Variants in GSN observed in about 807,000 individuals in gnomAD.
The protein encoded by GSN is gelsolin.
GSN carries 56 observed loss-of-function variants against 85.7 expected under a neutral mutation model. The observed-to-expected ratio is 0.65, with a 90% CI of 0.53 to 0.82. GSN has a LOEUF of 0.82. GSN is among the 40% of genes least tolerant of loss of function. GSN has a pLI of 0.00. For missense variants in GSN, 857 were observed against 979.8 expected (o/e 0.87, Z 1.67); for synonymous variants, 373 against 399.1 (o/e 0.93, Z 0.78).
At chr9:121,296,615 C>G (rs560995379) in intron 2 of GSN, among the ~76,000 whole-genome samples, 41 of 152,114 alleles carry the variant, frequency 2.7e-4, no homozygotes, top group Non-Finnish European at 4.3e-4. Flanking sequence ...AGTGACTTGC[C>G]CAAGGTCACC....
intron 6 of GSN, among the ~76,000 whole-genome samples, chr9:121,259,651 G>A (rs2055039336): frequency 1.3e-5 from 2 of 152,104 alleles, no homozygotes; most frequent in South Asian, 4.1e-4. Context: ...ATCATGTGTG[G>A]CCACCAACGC....
chr9:121,269,273 C>T (rs1259590653), intron 1 of GSN, among the ~76,000 whole-genome samples: 1 of 152,204 alleles, frequency 6.6e-6, no homozygotes, highest in African/African-American at 2.4e-5. Context: ...CCTCTCACCG[C>T]TCTGCCGTTT....
chr9:121,288,000 C>T (rs1000617887), intron 2 of GSN, among the ~76,000 whole-genome samples: 3 of 152,134 alleles, frequency 2.0e-5, no homozygotes, highest in Non-Finnish European at 2.9e-5. Context: ...GATCTCTGCT[C>T]ACTGCAGCCT....
chr9:121,239,854 A>G (rs754230797), intron 5 of GSN: 2 of 222,968 alleles, frequency 9.0e-6, no homozygotes, highest in African/African-American at 2.3e-5. Flanking sequence ...TCTCTGTGCC[A>G]TCTAGTAATG....
Position 121,312,345 on chromosome 9 carries a change from C to G in GSN, c.520C>G (p.His174Asp), listed in dbSNP as rs751554478. 1.2e-6 allele frequency: 2 copies of G among 1,614,110 alleles called. No individual in the cohort carries two copies. Among genetic ancestry groups the G allele is most frequent in the Non-Finnish European group, 1.7e-6 (2 of 1,179,988 alleles). The part of the protein sequence containing the change: ...CFILDLGNNI[H>D]QWCGSNSNRY... ...CTGGGTCTCTGTCTTCCAGAACATC[C>G]ACCAGTGGTGTGGTTCCAACAGCAA... The change falls in exon 6 of 18, where the codon CAC becomes GAC. Residue 174 changes from histidine to aspartate, a missense_variant. Transcript: ENST00000432226.
intron 5 of GSN, among the ~76,000 whole-genome samples, chr9:121,241,008 G>A (rs755138899): frequency 6.6e-6 from 1 of 152,114 alleles, no homozygotes; most frequent in Non-Finnish European, 1.5e-5. Flanking sequence ...GAAAACAAGG[G>A]AATCAACTGA....
intron 1 of GSN, chr9:121,280,415 C>G (rs1017340397): frequency 3.9e-5 from 6 of 152,224 alleles, no homozygotes; most frequent in African/African-American, 1.4e-4. Flanking sequence ...CAGACAGAAT[C>G]CTTGCCTCCA....
chr9:121,327,216 G>A, intron 13 of GSN, 92 bp from the exon 14 acceptor site: 1 of 1,030,820 alleles, frequency 9.7e-7, no homozygotes, highest in Non-Finnish European at 1.5e-6. Flanking sequence ...CCCCACCTGA[G>A]AGCTAGTCCT....
chr9:121,318,778 C>T lies in GSN; in HGVS notation c.1089C>T (p.Ile363=), dbSNP rs747287341. Residue 363 remains isoleucine, a synonymous_variant, in exon 10 of 18, where the codon ATC becomes ATT. Transcript: ENST00000432226. The surrounding 1 kb of genome is among the most constrained non-coding windows in gnomAD (Gnocchi z 4.3). Reference sequence around the variant, plus strand: ...GCTTGTCCTACCTTTCCAGCCATATCGCCAACGTGGAGCGGGTGCCCTTCG... The same window carrying T: ...GCTTGTCCTACCTTTCCAGCCATATTGCCAACGTGGAGCGGGTGCCCTTCG... The part of the protein sequence containing the change: ...GLGLSYLSSH[I]ANVERVPFDA... The T allele has an allele frequency of 1.3e-5, 21 of 1,613,998 alleles. No individual in the cohort carries two copies. In the East Asian group the frequency reaches 1.8e-4, roughly 14 times the overall value.
At chr9:121,250,363 C>T (rs1032056247) in intron 6 of GSN, among the ~76,000 whole-genome samples, 10 of 152,116 alleles carry the variant, frequency 6.6e-5, no homozygotes, top group Non-Finnish European at 1.5e-4. Context: ...TGCCACTACA[C>T]CCAGCTAATT....
chr9:121,261,180 C>T lies in GSN; in HGVS notation c.-340-3974C>T, dbSNP rs899796204. Among the ~76,000 whole-genome samples the T allele has an allele frequency of 4.6e-5, 7 of 152,230 alleles. No individual in the cohort carries two copies. The highest frequency in any genetic ancestry group is 1.7e-4 in the African/African-American group (7 of 41,464). The stretch of plus-strand genomic sequence containing the variant: ...GGGGACAGCTGAATGCCTTCTGGTC[C>T]GCTGAGCCCAGAAGAGTGGGGCTGG... On this transcript the variant is annotated intron_variant, in intron 6 of 24. Transcript: ENST00000373823. This position sits in a 1 kb window ranked among gnomAD's most constrained non-coding sequence, Gnocchi z 4.1.
rs116254023 is a variant in GSN at position 121,290,262 on chromosome 9, C to T, written c.-10+8700C>T. On this transcript the variant is annotated intron_variant, in intron 2 of 17. Coordinates refer to ENST00000432226, the MANE Select transcript of GSN (RefSeq NM_198252.3). ...CCGGGGACAGAAGGCAGCACCCACACGGGAGCCCAGCTTCGTGCCAGGGAC... is the reference window on the plus strand; with the variant it reads ...CCGGGGACAGAAGGCAGCACCCACATGGGAGCCCAGCTTCGTGCCAGGGAC... Among the ~76,000 whole-genome samples the T allele has an allele frequency of 1.5e-3, 229 of 152,226 alleles. 1 individual carries two copies. The highest frequency in any genetic ancestry group is 5.2e-3 in the African/African-American group (214 of 41,524).
At chr9:121,313,878 G>A in intron 6 of GSN, 56 bp from the exon 7 acceptor site, 1 of 1,353,586 alleles carries the variant, frequency 7.4e-7, no homozygotes, top group African/African-American at 1.4e-5. Flanking sequence ...GCTATCTCAG[G>A]AGCCTGGCCC....
intron 4 of GSN, among the ~76,000 whole-genome samples, chr9:121,304,913 A>G (rs1223220786): frequency 6.6e-6 from 1 of 152,202 alleles, no homozygotes; most frequent in African/African-American, 2.4e-5. Context: ...TGGCAGGCTC[A>G]CGAAGAGTTA....
intron 11 of GSN, among the ~76,000 whole-genome samples, chr9:121,323,721 C>T (rs892445333): frequency 4.6e-5 from 7 of 152,162 alleles, no homozygotes; most frequent in Non-Finnish European, 1.0e-4. Flanking sequence ...TCCCACATGG[C>T]ATTTACTCAT....
intron 6 of GSN, among the ~76,000 whole-genome samples, chr9:121,251,131 T>G (rs980848716): frequency 4.0e-5 from 6 of 150,892 alleles, no homozygotes; most frequent in Non-Finnish European, 8.8e-5. Flanking sequence ...CGACCCTGTT[T>G]GTTTTTTTAA....
At position 121,281,453 on chromosome 9, in the gene GSN, G is replaced by A. The variant is rs1001466956; in HGVS notation, c.-102-17G>A. ...GAACTCCCCCTGAGGCTGACATTCT[G>A]TGCCCTTTGTTTACAGGTAGTGCTC... On this transcript the variant is annotated splice_polypyrimidine_tract_variant and intron_variant, in intron 1 of 17. Coordinates refer to ENST00000432226, the MANE Select transcript of GSN (RefSeq NM_198252.3). The A allele has an allele frequency of 8.1e-6, 3 of 372,508 alleles. No homozygotes were observed. Among genetic ancestry groups the A allele is most frequent in the East Asian group, 7.4e-5 (1 of 13,498 alleles). The allele number at this position is 372,508 out of a possible 1,614,324, so 23.1% of individuals were successfully genotyped here. A position where few individuals can be genotyped will look rare whatever the true frequency, so the allele number is the denominator to read the frequency against.
chr9:121,302,577 C>A (rs536273399), intron 3 of GSN, among the ~76,000 whole-genome samples: 3 of 152,300 alleles, frequency 2.0e-5, no homozygotes, highest in African/African-American at 4.8e-5. Context: ...CCCTGCCACA[C>A]CTCTGCCGTG....
intron 1 of GSN, among the ~76,000 whole-genome samples, chr9:121,278,103 A>G (rs888792770): frequency 2.6e-5 from 4 of 151,334 alleles, no homozygotes; most frequent in African/African-American, 4.9e-5. Context: ...GCTTTGAAAT[A>G]TAGTGAGGTC....
Sources: gnomAD v4.1 joint callset for allele counts (sites outside exome capture counted in the v4.1 genomes callset) on GRCh38, gnomAD v4.1.1 for gene constraint, Gnocchi (gnomAD v3.1) non-coding constraint, MANE v1.5 for transcripts, NCBI Gene and HGNC (gene_info 2026-07-23, HGNC 2026-07-21) for gene names.